The following CSMD1 variants were observed in gnomAD, a reference collection of about 807,000 sequenced individuals.
The protein encoded by CSMD1 is CUB and sushi domain-containing protein 1.
A neutral mutation model predicts 417.5 loss-of-function variants in CSMD1; 213 were observed. The ratio of observed to expected loss-of-function variants is 0.51; its 90% CI spans 0.46 to 0.57. CSMD1 has a LOEUF of 0.57. CSMD1 is among the 20% of genes least tolerant of loss of function. The probability of loss-of-function intolerance (pLI) is 0.00; values close to 1 mark genes in which losing one functional copy is unlikely to be tolerated. For synonymous variants in CSMD1, 2,862 were observed against 1,736.8 expected (o/e 1.65, Z -16.11); for missense variants, 6,923 against 4,529.7 (o/e 1.53, Z -15.17).
chr8:3,945,146 A>C (rs1015361883), intron 5 of CSMD1, among the ~76,000 whole-genome samples: 2 of 150,072 alleles, frequency 1.3e-5, no homozygotes, highest in South Asian at 4.3e-4. Context: ...CAATTTGAAC[A>C]ATGATTGCCA....
chr8:3,700,880 G>A (rs775437638), intron 7 of CSMD1, among the ~76,000 whole-genome samples: 2 of 152,184 alleles, frequency 1.3e-5, no homozygotes, highest in Non-Finnish European at 2.9e-5. Flanking sequence ...CTGGAGAAGA[G>A]GAAGGATGTG....
At chr8:4,456,099 G>A (rs935907535) in intron 2 of CSMD1, among the ~76,000 whole-genome samples, 3 of 144,538 alleles carry the variant, frequency 2.1e-5, no homozygotes, top group Admixed American at 6.9e-5. Context: ...AGTACGTACT[G>A]CACACTTAAA....
At position 3,108,669 on chromosome 8, in the gene CSMD1, T is replaced by C; in HGVS notation, c.6688A>G (p.Asn2230Asp). ...CTGTGGAACTTGAGCAGGACTTGGT[T>C]GGTGGAGCTATACGCCGTTTCGAGG... Reference protein sequence around the residue: ...TALETAYSSTNQVLLKFHSDF... With the variant: ...TALETAYSSTDQVLLKFHSDF... The change falls in exon 44 of 70, where the codon AAC (asparagine) becomes GAC (aspartate). Residue 2230 changes from asparagine to aspartate, a missense_variant. Physicochemically the swap from Asn to Asp is conservative, Grantham distance 23 (BLOSUM62 1). Transcript: ENST00000635120. The C allele has an allele frequency of 6.2e-7, 1 of 1,613,714 alleles. No individual in the cohort carries two copies. The highest frequency in any genetic ancestry group is 2.2e-5 in the East Asian group (1 of 44,878).
Position 3,383,779 on chromosome 8 carries a change from T to C in CSMD1, c.2782+3715A>G, listed in dbSNP as rs189684324. Among the ~76,000 whole-genome samples the C allele has an allele frequency of 3.2e-3, 492 of 152,204 alleles. 3 individuals are homozygous for C. Among genetic ancestry groups the C allele is most frequent in the African/African-American group, 0.01 (432 of 41,532 alleles). On this transcript the variant is annotated intron_variant, in intron 18 of 69. Transcript: ENST00000635120. ...GAAAGAGATGCTTTATAAGAGATGA[T>C]ACATCAATGTCCAATAAATATACAA...
chr8:3,966,422 G>A (rs1432047521), intron 5 of CSMD1, among the ~76,000 whole-genome samples: 1 of 151,762 alleles, frequency 6.6e-6, no homozygotes, highest in Non-Finnish European at 1.5e-5. Flanking sequence ...ATATATATCA[G>A]GTATTATATA....
chr8:3,647,920 G>C (rs1797658335), intron 7 of CSMD1, among the ~76,000 whole-genome samples: 2 of 152,358 alleles, frequency 1.3e-5, no homozygotes, highest in South Asian at 2.1e-4. Flanking sequence ...TACTCTGTTT[G>C]TTTTGTTTGT....
chr8:3,029,531 A>C lies in CSMD1; in HGVS notation c.7661-18T>G. On this transcript the variant is annotated intron_variant, in intron 50 of 69. Coordinates refer to ENST00000635120, the MANE Select transcript of CSMD1 (RefSeq NM_033225.6). Reference sequence around the variant, plus strand: ...AGCGACCGCTGGAAGGGAAACGTACATCACATCATCATTTTTCTTTTTTGG... The same window carrying C: ...AGCGACCGCTGGAAGGGAAACGTACCTCACATCATCATTTTTCTTTTTTGG... 1 of 1,565,114 alleles carries C rather than the reference A, an allele frequency of 6.4e-7. No individual in the cohort carries two copies.
At chr8:4,947,662 G>T (rs1040293205) in intron 1 of CSMD1, among the ~76,000 whole-genome samples, 1 of 152,026 alleles carries the variant, frequency 6.6e-6, no homozygotes, top group Non-Finnish European at 1.5e-5. Context: ...TACATTTTGG[G>T]TTGATCATTC....
intron 2 of CSMD1, among the ~76,000 whole-genome samples, chr8:4,505,649 G>A (rs1802483953): frequency 6.6e-6 from 1 of 152,120 alleles, no homozygotes. Flanking sequence ...AAAACTTGCA[G>A]TCCAGTGTCC....
At chr8:4,851,150 C>A (rs1185958368) in intron 1 of CSMD1, among the ~76,000 whole-genome samples, 1 of 132,932 alleles carries the variant, frequency 7.5e-6, no homozygotes, top group Non-Finnish European at 1.6e-5. Flanking sequence ...CTTCCTGTGT[C>A]CATGTGTTAT....
At chr8:3,570,595 CAATGCT>C (rs1563163647) in intron 10 of CSMD1, among the ~76,000 whole-genome samples, 1 of 152,164 alleles carries the variant, frequency 6.6e-6, no homozygotes, top group Non-Finnish European at 1.5e-5. Flanking sequence ...ACCTGAGCTG[CAATGCT>C]ATCACGGAGC....
chr8:4,259,013 G>A (rs1299789204), intron 3 of CSMD1, among the ~76,000 whole-genome samples: 1 of 152,178 alleles, frequency 6.6e-6, no homozygotes, highest in African/African-American at 2.4e-5. Flanking sequence ...AGAGACGTTT[G>A]TTGGAAATGT....
intron 12 of CSMD1, among the ~76,000 whole-genome samples, chr8:3,464,861 A>G (rs908399018): frequency 1.3e-5 from 2 of 151,950 alleles, no homozygotes; most frequent in Non-Finnish European, 2.9e-5. Context: ...CCTCTCTCCC[A>G]TTACTTTCTG....
intron 7 of CSMD1, among the ~76,000 whole-genome samples, chr8:3,674,024 T>G (rs1222745179): frequency 2.0e-5 from 3 of 152,128 alleles, no homozygotes; most frequent in Admixed American, 1.3e-4. Flanking sequence ...GAGAATAACT[T>G]GAGCCTGGGA....
chr8:3,353,412 C>T lies in CSMD1; in HGVS notation c.3305-5251G>A, dbSNP rs140836788. On this transcript the variant is annotated intron_variant, in intron 21 of 69. Coordinates refer to ENST00000635120, the MANE Select transcript of CSMD1 (RefSeq NM_033225.6). ...CTGACCAAGATACCACCAAATAGCT[C>T]GCATATCACAAAATGTTTCCTTTTC... 3.5e-3 allele frequency among the ~76,000 whole-genome samples: 527 copies of T among 152,272 alleles called. 3 individuals carry two copies. Among genetic ancestry groups the T allele is most frequent in the African/African-American group, 0.012 (511 of 41,542 alleles).
intron 5 of CSMD1, among the ~76,000 whole-genome samples, chr8:3,948,137 TTAGG>T (rs1811361579): frequency 6.6e-6 from 1 of 152,064 alleles, no homozygotes; most frequent in East Asian, 1.9e-4. Context: ...ACCGAGAGGC[TTAGG>T]TTGCAGTCAG....
chr8:4,643,382 G>C (rs866043486), intron 1 of CSMD1, among the ~76,000 whole-genome samples: 2 of 152,032 alleles, frequency 1.3e-5, no homozygotes, highest in East Asian at 1.9e-4. Flanking sequence ...GCAGATTTTT[G>C]ACCTCCAAAG....
At chr8:2,982,093 C>T (rs1805471811) in intron 54 of CSMD1, among the ~76,000 whole-genome samples, 2 of 152,138 alleles carry the variant, frequency 1.3e-5, no homozygotes, top group African/African-American at 2.4e-5. Flanking sequence ...CGGTGGCTCA[C>T]ACCTGTAATC....
intron 5 of CSMD1, among the ~76,000 whole-genome samples, chr8:3,784,691 T>G (rs73172217): frequency 6.6e-6 from 1 of 152,222 alleles, no homozygotes; most frequent in Non-Finnish European, 1.5e-5. Context: ...TTTTCAAATA[T>G]TCCTGGAAAT....
Sources: gnomAD v4.1 joint callset for allele counts (sites outside exome capture counted in the v4.1 genomes callset) on GRCh38, gnomAD v4.1.1 for gene constraint, MANE v1.5 for transcripts, NCBI Gene and HGNC (gene_info 2026-07-23, HGNC 2026-07-21) for gene names.